INPP4A: variants seen among roughly 807,000 people sequenced by gnomAD.
The protein encoded by INPP4A is inositol polyphosphate-4-phosphatase type I A.
INPP4A carries 33 observed loss-of-function variants against 119.8 expected under a neutral mutation model. That is an observed-to-expected ratio of 0.28 (90% CI 0.21 to 0.37). The LOEUF is 0.37. Among genes scored for constraint, INPP4A ranks in the 10% least tolerant of loss-of-function variants. The probability of loss-of-function intolerance (pLI) is 1.00; values close to 1 mark genes in which losing one functional copy is unlikely to be tolerated. For missense variants in INPP4A, 956 were observed against 1,289.9 expected (o/e 0.74, Z 3.97); for synonymous variants, 496 against 500.7 (o/e 0.99, Z 0.12).
intron 24 of INPP4A, 32 bp from the exon 25 acceptor site, chr2:98,587,444 G>T: frequency 1.3e-6 from 2 of 1,530,204 alleles, no homozygotes; most frequent in South Asian, 1.3e-5. Context: ...CTTTTTTACT[G>T]CCGTCATTTC....
chr2:98,581,134 GAGA>G (rs1195363509), intron 24 of INPP4A, among the ~76,000 whole-genome samples: 4 of 152,204 alleles, frequency 2.6e-5, no homozygotes, highest in Non-Finnish European at 4.4e-5. Context: ...AGGCATCTGT[GAGA>G]AGGTCAAATC....
chr2:98,520,601 G>A, intron 3 of INPP4A, 86 bp from the exon 4 acceptor site: 1 of 785,814 alleles, frequency 1.3e-6, no homozygotes, highest in Non-Finnish European at 2.1e-6. Context: ...TTGTTGGGGG[G>A]AAGTAGAGGG....
chr2:98,588,899 A>T lies in INPP4A; in HGVS notation c.*1291A>T. 1 of 203,044 alleles carries T rather than the reference A, an allele frequency of 4.9e-6. No individual in the cohort carries two copies. Among genetic ancestry groups the T allele is most frequent in the East Asian group, 7.7e-5 (1 of 13,010 alleles). 12.6% of individuals were successfully genotyped at this position (203,044 alleles called of 1,614,324 possible). A position where few individuals can be genotyped will look rare whatever the true frequency, so the allele number is the denominator to read the frequency against. ...ATGATGCTGATCCTAATGATTTGTG[A>T]ACCTCTTAGAAATTCTTTTGTCTAA... On this transcript the variant is annotated 3_prime_UTR_variant, in exon 25 of 25. Transcript: ENST00000409851.
At chr2:98,520,197 A>C in intron 3 of INPP4A, 43 bp downstream of exon 3, 3 of 1,422,966 alleles carry the variant, frequency 2.1e-6, no homozygotes, top group Non-Finnish European at 2.9e-6. Context: ...GTATGAGCTC[A>C]CAGCACCTGG....
At chr2:98,535,487 T>C (rs1690066908) in intron 5 of INPP4A, among the ~76,000 whole-genome samples, 1 of 152,210 alleles carries the variant, frequency 6.6e-6, no homozygotes, top group African/African-American at 2.4e-5. Flanking sequence ...GCTTGTGTAA[T>C]GGGCTGATTT....
chr2:98,477,250 G>A (rs1330371453), intron 1 of INPP4A, among the ~76,000 whole-genome samples: 1 of 152,206 alleles, frequency 6.6e-6, no homozygotes, highest in Non-Finnish European at 1.5e-5. Flanking sequence ...CTGGCTCTGG[G>A]GCCATGCACA....
chr2:98,576,731 A>G (rs1217687095), intron 23 of INPP4A, among the ~76,000 whole-genome samples: 4 of 152,230 alleles, frequency 2.6e-5, no homozygotes, highest in Non-Finnish European at 5.9e-5. Context: ...CAGGCCACAC[A>G]GGGGATGGCA....
At chr2:98,539,058 A>G (rs1574981595) in intron 9 of INPP4A, 77 bp downstream of exon 9, 3 of 737,186 alleles carry the variant, frequency 4.1e-6, no homozygotes, top group Non-Finnish European at 6.8e-6. Flanking sequence ...TTTGCTCCCC[A>G]CCTGCTGCGA....
In INPP4A at chr2:98,555,724, C is replaced by T. The variant is rs1175795483; in HGVS notation, c.1738C>T (p.Pro580Ser). 2.5e-6 allele frequency: 4 copies of T among 1,609,138 alleles called. No individual in the cohort carries two copies. The highest frequency in any genetic ancestry group is 2.7e-5 in the African/African-American group (2 of 74,842). ...NPDSHAYWIRPEDPFCDVPSS... is the reference protein window; with the variant it reads ...NPDSHAYWIRSEDPFCDVPSS... ...GGACAGCCACGCCTACTGGATCAGA[C>T]CAGAAGACCCCTTCTGTGATGTCCC... Residue 580 changes from proline to serine, a missense_variant, in exon 16 of 25, where the codon CCA becomes TCA. Pro to Ser is a moderately conservative substitution (Grantham distance 74). Coordinates refer to ENST00000409851, the MANE Select transcript of INPP4A (RefSeq NM_001134225.2).
chr2:98,484,640 A>G (rs1172253114), intron 1 of INPP4A, among the ~76,000 whole-genome samples: 2 of 152,148 alleles, frequency 1.3e-5, no homozygotes, highest in Non-Finnish European at 2.9e-5. Context: ...GTTTAGTAAA[A>G]CATAGTCTAG....
intron 16 of INPP4A, 26 bp downstream of exon 16, chr2:98,555,834 A>G (rs957765472): frequency 1.3e-6 from 2 of 1,534,222 alleles, no homozygotes; most frequent in South Asian, 1.2e-5. Flanking sequence ...TGCTTCCCAT[A>G]TGCTGCCTCC....
intron 24 of INPP4A, 54 bp downstream of exon 24, chr2:98,577,197 C>T (rs1418132848): frequency 6.6e-7 from 1 of 1,507,406 alleles, no homozygotes; most frequent in Non-Finnish European, 8.9e-7. Flanking sequence ...GTGTAAACTG[C>T]AGATGAGCTG....
At chr2:98,518,691 C>T (rs1382146941) in intron 1 of INPP4A, among the ~76,000 whole-genome samples, 2 of 152,238 alleles carry the variant, frequency 1.3e-5, no homozygotes, top group East Asian at 3.8e-4. Context: ...TTCTCATCCC[C>T]CTAAACCACA....
chr2:98,548,719 G>A (rs530944806), intron 13 of INPP4A, among the ~76,000 whole-genome samples: 27 of 152,174 alleles, frequency 1.8e-4, no homozygotes, highest in African/African-American at 4.6e-4. Flanking sequence ...CTTTAAATGC[G>A]GAGGTAACTT....
chr2:98,534,101 A>G (rs952698179), intron 5 of INPP4A, among the ~76,000 whole-genome samples: 2 of 152,272 alleles, frequency 1.3e-5, no homozygotes, highest in South Asian at 4.1e-4. Context: ...CTTAAACTGC[A>G]TTTCTTCTTC....
At chr2:98,582,866 A>G (rs1383905577) in intron 24 of INPP4A, among the ~76,000 whole-genome samples, 4 of 152,060 alleles carry the variant, frequency 2.6e-5, no homozygotes, top group Non-Finnish European at 5.9e-5. Context: ...TGCATAAGTC[A>G]AACAGAAAGA....
At chr2:98,526,628 G>A (rs1189871447) in intron 4 of INPP4A, among the ~76,000 whole-genome samples, 1 of 152,178 alleles carries the variant, frequency 6.6e-6, no homozygotes, top group Non-Finnish European at 1.5e-5. Flanking sequence ...AGCACTCTGG[G>A]TAGCATTTAT....
intron 1 of INPP4A, among the ~76,000 whole-genome samples, chr2:98,475,582 T>A (rs1311658346): frequency 1.3e-5 from 2 of 152,254 alleles, no homozygotes; most frequent in African/African-American, 4.8e-5. Flanking sequence ...TTGTAAAATT[T>A]AGCAGGACAT....
chr2:98,587,253 A>G (rs1478243355), intron 24 of INPP4A, among the ~76,000 whole-genome samples: 4 of 152,174 alleles, frequency 2.6e-5, no homozygotes, highest in Non-Finnish European at 4.4e-5. Context: ...GGAACGCACA[A>G]CTCACAGCCC....
Sources: allele counts gnomAD v4.1 joint callset (sites outside exome capture counted in the v4.1 genomes callset), GRCh38; gene constraint gnomAD v4.1.1; transcripts MANE v1.5; gene names NCBI Gene and HGNC (gene_info 2026-07-23, HGNC 2026-07-21).